The following ITFG1 variants were observed in gnomAD, a reference collection of about 807,000 sequenced individuals.
ITFG1 encodes the protein T-cell immunomodulatory protein.
ITFG1 carries 34 observed loss-of-function variants against 81.8 expected under a neutral mutation model. That is an observed-to-expected ratio of 0.42 (90% CI 0.32 to 0.55). ITFG1 has a LOEUF of 0.55. Ranked by LOEUF, ITFG1 falls within the 20% of genes least tolerant of loss-of-function variation. ITFG1 has a pLI of 0.17. For missense variants in ITFG1, 672 were observed against 755.4 expected (o/e 0.89, Z 1.29); for synonymous variants, 285 against 270.6 (o/e 1.05, Z -0.52).
At chr16:47,266,620 C>T (rs1966279614) in intron 10 of ITFG1, among the ~76,000 whole-genome samples, 1 of 152,166 alleles carries the variant, frequency 6.6e-6, no homozygotes, top group Admixed American at 6.5e-5. Flanking sequence ...TAAAATGGTA[C>T]AGCAGCTTTG....
intron 16 of ITFG1, among the ~76,000 whole-genome samples, chr16:47,159,257 C>A (rs897792533): frequency 6.6e-5 from 10 of 151,962 alleles, no homozygotes; most frequent in Non-Finnish European, 1.0e-4. Context: ...TTTCATTTTC[C>A]AAGTTTGATC....
At chr16:47,380,780 G>A (rs1968386846) in intron 6 of ITFG1, among the ~76,000 whole-genome samples, 1 of 152,102 alleles carries the variant, frequency 6.6e-6, no homozygotes, top group Non-Finnish European at 1.5e-5. Flanking sequence ...TCAAAACTAA[G>A]TTTAAAAATG....
intron 5 of ITFG1, among the ~76,000 whole-genome samples, chr16:47,430,269 T>C (rs1427372243): frequency 6.6e-6 from 1 of 151,818 alleles, no homozygotes. Flanking sequence ...TTTCACCATG[T>C]TGGCCAGACT....
intron 14 of ITFG1, among the ~76,000 whole-genome samples, chr16:47,184,753 G>C (rs551452723): frequency 6.8e-4 from 103 of 151,950 alleles, no homozygotes; most frequent in African/African-American, 2.4e-3. Context: ...ACATCATAAT[G>C]ACAGGACCAA....
At chr16:47,292,030 T>C (rs1292304548) in intron 10 of ITFG1, among the ~76,000 whole-genome samples, 3 of 152,100 alleles carry the variant, frequency 2.0e-5, no homozygotes, top group South Asian at 2.1e-4. Flanking sequence ...TTTTTTTTTT[T>C]TGAGATGGAG....
intron 10 of ITFG1, among the ~76,000 whole-genome samples, chr16:47,289,002 C>A (rs893119641): frequency 2.0e-5 from 3 of 152,104 alleles, no homozygotes; most frequent in African/African-American, 7.2e-5. Context: ...TCATATATAT[C>A]CTTTACTATG....
At chr16:47,256,367 T>A (rs1456953577) in intron 12 of ITFG1, among the ~76,000 whole-genome samples, 1 of 152,206 alleles carries the variant, frequency 6.6e-6, no homozygotes. Flanking sequence ...AGGAATCAAA[T>A]CCCAAACTCT....
At chr16:47,396,646 T>A (rs1968598195) in intron 6 of ITFG1, among the ~76,000 whole-genome samples, 1 of 151,764 alleles carries the variant, frequency 6.6e-6, no homozygotes, top group Non-Finnish European at 1.5e-5. Flanking sequence ...CAAGAGAGGG[T>A]TAGTAATAAT....
At chr16:47,264,549 C>G (rs1966252316) in intron 10 of ITFG1, among the ~76,000 whole-genome samples, 1 of 83,116 alleles carries the variant, frequency 1.2e-5, no homozygotes, top group South Asian at 4.4e-4. Flanking sequence ...CTCTATTACA[C>G]ACACACACAC....
chr16:47,335,582 T>G (rs1967694054), intron 8 of ITFG1, among the ~76,000 whole-genome samples: 1 of 152,142 alleles, frequency 6.6e-6, no homozygotes, highest in African/African-American at 2.4e-5. Context: ...AATAGACATT[T>G]CACAACAGAA....
chr16:47,370,439 C>T (rs956269848), intron 7 of ITFG1, among the ~76,000 whole-genome samples: 3 of 152,224 alleles, frequency 2.0e-5, no homozygotes, highest in African/African-American at 7.2e-5. Context: ...GGGCTGCCCA[C>T]TTCAGGTCCC....
intron 6 of ITFG1, among the ~76,000 whole-genome samples, chr16:47,388,034 TA>T (rs1968484652): frequency 6.6e-6 from 1 of 151,812 alleles, no homozygotes; most frequent in East Asian, 1.9e-4. Flanking sequence ...AAATGGAAAT[TA>T]TGGAACTGAA....
chr16:47,292,342 T>C (rs1311213668), intron 10 of ITFG1, among the ~76,000 whole-genome samples: 1 of 152,170 alleles, frequency 6.6e-6, no homozygotes, highest in African/African-American at 2.4e-5. Context: ...TTTTTCTGTG[T>C]CCCTATATTG....
chr16:47,345,541 C>T (rs1456754494), intron 8 of ITFG1, among the ~76,000 whole-genome samples: 1 of 152,036 alleles, frequency 6.6e-6, no homozygotes, highest in Non-Finnish European at 1.5e-5. Context: ...TCAAGAGATC[C>T]GCCCACCTTG....
intron 2 of ITFG1, among the ~76,000 whole-genome samples, 193 bp downstream of exon 2, chr16:47,458,910 T>C (rs1969485961): frequency 6.6e-6 from 1 of 152,146 alleles, no homozygotes; most frequent in African/African-American, 2.4e-5. Flanking sequence ...CTCAAATTTA[T>C]TTCTTTAAAG....
intron 10 of ITFG1, among the ~76,000 whole-genome samples, chr16:47,294,470 G>A (rs991311500): frequency 1.3e-5 from 2 of 152,068 alleles, no homozygotes; most frequent in African/African-American, 4.8e-5. Flanking sequence ...TAATGACATT[G>A]ATTCTCCTGC....
chr16:47,220,476 G>A (rs1352087947), intron 13 of ITFG1, among the ~76,000 whole-genome samples: 1 of 152,168 alleles, frequency 6.6e-6, no homozygotes, highest in East Asian at 1.9e-4. Context: ...AAAAACAAAT[G>A]ACAGTATTTG....
chr16:47,280,758 G>A (rs1329930962), intron 10 of ITFG1, among the ~76,000 whole-genome samples: 2 of 152,052 alleles, frequency 1.3e-5, no homozygotes, highest in African/African-American at 4.8e-5. Context: ...CCCCCTAATC[G>A]TCCCAGAAAA....
chr16:47,432,597 C>A (rs1338589413), intron 5 of ITFG1, among the ~76,000 whole-genome samples: 1 of 152,126 alleles, frequency 6.6e-6, no homozygotes, highest in African/African-American at 2.4e-5. Context: ...TTCATACAGA[C>A]TAATTTCATT....
Sources: gnomAD v4.1 joint callset for allele counts (sites outside exome capture counted in the v4.1 genomes callset) on GRCh38, gnomAD v4.1.1 for gene constraint, MANE v1.5 for transcripts, NCBI Gene and HGNC (gene_info 2026-07-23, HGNC 2026-07-21) for gene names.